LRP1B: variants seen among roughly 807,000 people sequenced by gnomAD.
LRP1B encodes low-density lipoprotein receptor-related protein 1B.
Under a neutral mutation model 556.6 loss-of-function variants are expected in LRP1B, and 217 were observed. That is an observed-to-expected ratio of 0.39 (90% CI 0.35 to 0.44). LRP1B has a LOEUF of 0.44. Among genes scored for constraint, LRP1B ranks in the 20% least tolerant of loss-of-function variants. LRP1B has a pLI of 1.00. For synonymous variants in LRP1B, 2,047 were observed against 1,865.8 expected (o/e 1.10, Z -2.50); for missense variants, 5,053 against 5,620.8 (o/e 0.90, Z 3.23).
intron 1 of LRP1B, among the ~76,000 whole-genome samples, chr2:141,966,747 A>G (rs556216085): frequency 1.3e-5 from 2 of 151,904 alleles, no homozygotes; most frequent in African/African-American, 4.8e-5. Context: ...TGACTCTACT[A>G]TACTTCTGTC....
intron 23 of LRP1B, among the ~76,000 whole-genome samples, chr2:140,893,259 T>C (rs1188390603): frequency 6.6e-6 from 1 of 152,212 alleles, no homozygotes. Flanking sequence ...TTACATTCAA[T>C]AATCATTTGC....
At chr2:140,681,300 AAAG>A (rs1433031237) in intron 41 of LRP1B, among the ~76,000 whole-genome samples, 4 of 152,238 alleles carry the variant, frequency 2.6e-5, no homozygotes, top group Non-Finnish European at 4.4e-5. Flanking sequence ...AATAAAGAGA[AAAG>A]AAGGAATAAA....
chr2:140,887,579 A>T (rs1328058593), intron 23 of LRP1B, among the ~76,000 whole-genome samples: 2 of 152,154 alleles, frequency 1.3e-5, no homozygotes, highest in African/African-American at 4.8e-5. Context: ...ACCCCAGATA[A>T]TTAAAAATGC....
At chr2:140,301,542 T>C (rs984806912) in intron 83 of LRP1B, among the ~76,000 whole-genome samples, 1 of 152,098 alleles carries the variant, frequency 6.6e-6, no homozygotes, top group African/African-American at 2.4e-5. Flanking sequence ...GAGTAAAATA[T>C]TCAATCATAA....
intron 41 of LRP1B, among the ~76,000 whole-genome samples, chr2:140,603,756 C>G (rs558560785): frequency 6.6e-6 from 1 of 152,180 alleles, no homozygotes; most frequent in East Asian, 1.9e-4. Flanking sequence ...ACAGAAATTA[C>G]AGTTAATAAT....
chr2:141,007,422 G>A (rs984474502), intron 14 of LRP1B, among the ~76,000 whole-genome samples: 16 of 151,652 alleles, frequency 1.1e-4, no homozygotes, highest in Non-Finnish European at 2.2e-4. Context: ...ACATATGAAA[G>A]CCAAGAAAGC....
intron 2 of LRP1B, among the ~76,000 whole-genome samples, chr2:141,517,960 C>G (rs565771822): frequency 1.3e-5 from 2 of 152,060 alleles, no homozygotes; most frequent in Non-Finnish European, 2.9e-5. Flanking sequence ...CAAATATTTA[C>G]TGAGCTCAAA....
At chr2:141,596,836 G>A (rs1216578196) in intron 2 of LRP1B, among the ~76,000 whole-genome samples, 1 of 151,986 alleles carries the variant, frequency 6.6e-6, no homozygotes, top group Non-Finnish European at 1.5e-5. Context: ...ATGCCATTAA[G>A]AAATAAACAC....
chr2:141,401,783 G>A (rs796126249), intron 3 of LRP1B, among the ~76,000 whole-genome samples: 9 of 152,062 alleles, frequency 5.9e-5, no homozygotes, highest in African/African-American at 2.2e-4. Context: ...TCATACAGTG[G>A]GGGGAAAAAT....
At chr2:141,628,210 A>G (rs1469404754) in intron 2 of LRP1B, among the ~76,000 whole-genome samples, 1 of 152,146 alleles carries the variant, frequency 6.6e-6, no homozygotes, top group Non-Finnish European at 1.5e-5. Flanking sequence ...TTCTTGTGAC[A>G]TTGGTAAGAA....
chr2:141,424,022 T>C (rs1680255573), intron 3 of LRP1B, among the ~76,000 whole-genome samples: 1 of 152,044 alleles, frequency 6.6e-6, no homozygotes, highest in African/African-American at 2.4e-5. Context: ...AGATGACATC[T>C]GCAGAAAGCT....
At chr2:141,722,431 C>T (rs747929763) in intron 2 of LRP1B, among the ~76,000 whole-genome samples, 9 of 152,060 alleles carry the variant, frequency 5.9e-5, no homozygotes, top group Non-Finnish European at 8.8e-5. Context: ...AAGGGCCCTG[C>T]GGTTAGATAT....
chr2:140,347,097 T>C (rs1285275134), intron 77 of LRP1B, among the ~76,000 whole-genome samples: 2 of 151,932 alleles, frequency 1.3e-5, no homozygotes, highest in African/African-American at 2.4e-5. Context: ...TAACCTACTT[T>C]ATAGTGCTTC....
intron 47 of LRP1B, among the ~76,000 whole-genome samples, chr2:140,527,098 T>TA (rs1173571708): frequency 2.0e-5 from 3 of 152,014 alleles, no homozygotes. Flanking sequence ...CTGCTCTACT[T>TA]AAATGAAAAT....
chr2:141,157,059 A>G (rs1702085011), intron 7 of LRP1B, among the ~76,000 whole-genome samples: 2 of 152,092 alleles, frequency 1.3e-5, no homozygotes, highest in African/African-American at 4.8e-5. Context: ...TGGATAGGTT[A>G]TTGTATTATG....
At chr2:140,971,437 T>C (rs927440460) in intron 18 of LRP1B, among the ~76,000 whole-genome samples, 2 of 152,244 alleles carry the variant, frequency 1.3e-5, no homozygotes, top group Non-Finnish European at 2.9e-5. Context: ...TAAATTTCTG[T>C]TGTTTTAAGC....
intron 3 of LRP1B, among the ~76,000 whole-genome samples, chr2:141,280,222 A>G (rs1685460476): frequency 6.6e-6 from 1 of 152,108 alleles, no homozygotes; most frequent in African/African-American, 2.4e-5. Flanking sequence ...AAGTGACCAC[A>G]TAGTCCCAAG....
rs147236835 is a variant in LRP1B, at chr2:140,295,472, T to C, written c.12967+2336A>G. On this transcript the variant is annotated intron_variant, in intron 84 of 90. Coordinates refer to ENST00000389484, the MANE Select transcript of LRP1B (RefSeq NM_018557.3). ...TATGCTTGATTCTCAGATAAGCCGA[T>C]GATTATAGCTTGACTCTGTGCTGTT... Among the ~76,000 whole-genome samples the C allele has an allele frequency of 7.6e-4, 116 of 152,302 alleles. No homozygotes were observed. In the East Asian group the frequency reaches 0.02, roughly 26 times the overall value.
intron 11 of LRP1B, among the ~76,000 whole-genome samples, chr2:141,046,240 A>G (rs946037100): frequency 1.3e-5 from 2 of 152,146 alleles, no homozygotes; most frequent in African/African-American, 2.4e-5. Flanking sequence ...AAATTTATCA[A>G]TGTCTCAGAA....
Sources: gnomAD v4.1 joint callset for allele counts (sites outside exome capture counted in the v4.1 genomes callset) on GRCh38, gnomAD v4.1.1 for gene constraint, MANE v1.5 for transcripts, NCBI Gene and HGNC (gene_info 2026-07-23, HGNC 2026-07-21) for gene names.